ADARB2: variants seen among roughly 807,000 people sequenced by gnomAD.
ADARB2 encodes inactive double-stranded RNA-specific editase B2.
In ADARB2, 25 loss-of-function variants were observed where a neutral mutation model predicts 62.2. The observed-to-expected ratio is 0.40, with a 90% CI of 0.29 to 0.56. The LOEUF is 0.56. ADARB2 is among the 20% of genes least tolerant of loss of function. ADARB2 has a pLI of 0.43. For synonymous variants in ADARB2, 572 were observed against 500.8 expected, an observed-to-expected ratio of 1.14 and a Z score of -1.90; for missense variants, 1,071 against 1,077.4, an observed-to-expected ratio of 0.99 and a Z score of 0.08.
At chr10:1,249,096 G>C (rs908868092) in intron 4 of ADARB2, among the ~76,000 whole-genome samples, 13 of 152,188 alleles carry the variant, frequency 8.5e-5, no homozygotes, top group African/African-American at 3.1e-4. Context: ...GAGCACTACA[G>C]TACGTCCCTG....
intron 1 of ADARB2, among the ~76,000 whole-genome samples, chr10:1,580,095 C>G (rs1209155453): frequency 6.6e-6 from 1 of 152,196 alleles, no homozygotes; most frequent in African/African-American, 2.4e-5. Context: ...TGCTGTGTGC[C>G]AGATTTCTTT....
At chr10:1,383,094 A>G (rs566674286) in intron 1 of ADARB2, among the ~76,000 whole-genome samples, 1 of 152,368 alleles carries the variant, frequency 6.6e-6, no homozygotes, top group Non-Finnish European at 1.5e-5. Flanking sequence ...TCACTGTGGA[A>G]TAAATGGCAT....
At chr10:1,618,729 G>A (rs1370604031) in intron 1 of ADARB2, among the ~76,000 whole-genome samples, 1 of 152,128 alleles carries the variant, frequency 6.6e-6, no homozygotes, top group South Asian at 2.1e-4. Context: ...AATCTGTGAC[G>A]TGGTAATCGA....
chr10:1,193,133 G>A (rs185838472), intron 8 of ADARB2, among the ~76,000 whole-genome samples: 70 of 152,336 alleles, frequency 4.6e-4, no homozygotes, highest in African/African-American at 1.5e-3. Flanking sequence ...TGAATGTCCC[G>A]GGTGCAAGTT....
At chr10:1,187,762 GA>G in intron 8 of ADARB2, 1 of 347,604 alleles carries the variant, frequency 2.9e-6, no homozygotes, top group Non-Finnish European at 6.2e-6. Context: ...TCCGGGGACA[GA>G]AGGAAGGAGC....
chr10:1,546,191 C>G (rs1832516576), intron 1 of ADARB2, among the ~76,000 whole-genome samples: 1 of 152,162 alleles, frequency 6.6e-6, no homozygotes. Flanking sequence ...TTCTTCCCTG[C>G]TACGTGAACT....
intron 4 of ADARB2, among the ~76,000 whole-genome samples, chr10:1,248,152 G>T (rs1010798151): frequency 6.6e-6 from 1 of 152,188 alleles, no homozygotes; most frequent in Non-Finnish European, 1.5e-5. Context: ...CTGTACTGAG[G>T]TCCCGTCTCC....
rs540580980 is a variant in ADARB2 at position 1,413,350 on chromosome 10, G to A, written c.101-34190C>T. Among the ~76,000 whole-genome samples, 21 of 152,260 alleles carry A rather than the reference G, an allele frequency of 1.4e-4. No homozygotes were observed. The South Asian group carries it at 3.3e-3, about 24-fold the overall frequency. On this transcript the variant is annotated intron_variant, in intron 1 of 9. Coordinates refer to ENST00000381312, the MANE Select transcript of ADARB2 (RefSeq NM_018702.4). ...GTGCTCTGTGGTTAGAAACGGCGTC[G>A]GGTCTCGCAGAATGGAGGCAGAGTT...
At chr10:1,685,393 A>G (rs1380858877) in intron 1 of ADARB2, among the ~76,000 whole-genome samples, 5 of 152,206 alleles carry the variant, frequency 3.3e-5, no homozygotes, top group Admixed American at 3.3e-4. Flanking sequence ...TCATGGGTAC[A>G]GCTTCACCTT....
At chr10:1,600,419 G>GGATTATCTTT (rs1281172699) in intron 1 of ADARB2, among the ~76,000 whole-genome samples, 1 of 152,052 alleles carries the variant, frequency 6.6e-6, no homozygotes, top group East Asian at 2.0e-4. Flanking sequence ...CCAACACTTT[G>GGATTATCTTT]GGAAGCTGAG....
At chr10:1,635,112 T>G (rs1312957166) in intron 1 of ADARB2, among the ~76,000 whole-genome samples, 1 of 152,240 alleles carries the variant, frequency 6.6e-6, no homozygotes, top group African/African-American at 2.4e-5. Flanking sequence ...TCTATGGCAT[T>G]TTTACAATTC....
At chr10:1,362,063 T>C (rs996940764) in intron 3 of ADARB2, among the ~76,000 whole-genome samples, 6 of 152,230 alleles carry the variant, frequency 3.9e-5, no homozygotes, top group Non-Finnish European at 8.8e-5. Flanking sequence ...GGTATCAGAA[T>C]AGTTTCTGAC....
chr10:1,676,769 C>A (rs1019568327), intron 1 of ADARB2, among the ~76,000 whole-genome samples: 1 of 116,454 alleles, frequency 8.6e-6, no homozygotes, highest in African/African-American at 3.2e-5. Flanking sequence ...CACGGACACT[C>A]GTATTATTCA....
rs371388764 is a variant in ADARB2, at chr10:1,199,930, A to C, written c.1864+36T>G. On this transcript the variant is annotated intron_variant, in intron 8 of 9. Transcript: ENST00000381312. Reference sequence around the variant, plus strand: ...CACCTGTGTCTGGCCTGGTGGTGGGAAGGAGGTGGAGGGCCCCCGGGAAGG... The same window carrying C: ...CACCTGTGTCTGGCCTGGTGGTGGGCAGGAGGTGGAGGGCCCCCGGGAAGG... The C allele has an allele frequency of 4.5e-5, 67 of 1,474,276 alleles. 1 individual carries two copies. The African/African-American group carries it at 8.0e-4, about 18-fold the overall frequency. 91.3% of individuals were successfully genotyped at this position (1,474,276 alleles called of 1,614,324 possible).
intron 1 of ADARB2, among the ~76,000 whole-genome samples, chr10:1,689,984 GTTT>G (rs1412116446): frequency 2.0e-5 from 3 of 151,898 alleles, no homozygotes; most frequent in Admixed American, 1.3e-4. Context: ...GGGTTTTTTT[GTTT>G]TTGTTTTTTG....
intron 1 of ADARB2, among the ~76,000 whole-genome samples, chr10:1,589,496 A>G (rs2813395): frequency 0.72 from 108,266 of 150,880 alleles, 39,473 homozygotes; most frequent in East Asian, 0.89. Context: ...CATGGTCAGG[A>G]CATCCACGGT....
chr10:1,268,732 A>C (rs994443318), intron 4 of ADARB2, among the ~76,000 whole-genome samples: 2 of 152,254 alleles, frequency 1.3e-5, no homozygotes, highest in Non-Finnish European at 2.9e-5. Context: ...ACAATAGGAA[A>C]GTAAATTTAA....
intron 3 of ADARB2, among the ~76,000 whole-genome samples, chr10:1,354,910 A>G (rs1450072977): frequency 6.6e-6 from 1 of 152,226 alleles, no homozygotes; most frequent in East Asian, 1.9e-4. Flanking sequence ...CATGGGGAGC[A>G]AGACCCTCTA....
chr10:1,492,381 C>G (rs1215390372), intron 1 of ADARB2, among the ~76,000 whole-genome samples: 1 of 152,010 alleles, frequency 6.6e-6, no homozygotes, highest in Admixed American at 6.6e-5. Context: ...GGTCCATGGT[C>G]CAGTATGTTG....
Sources: gnomAD v4.1 joint callset for allele counts (sites outside exome capture counted in the v4.1 genomes callset) on GRCh38, gnomAD v4.1.1 for gene constraint, MANE v1.5 for transcripts, NCBI Gene and HGNC (gene_info 2026-07-23, HGNC 2026-07-21) for gene names.